Variants in SOD2 observed in about 807,000 individuals in gnomAD.
The protein encoded by SOD2 is superoxide dismutase 2.
SOD2 carries 11 observed loss-of-function variants against 27.0 expected under a neutral mutation model. The ratio of observed to expected loss-of-function variants is 0.41; its 90% CI spans 0.26 to 0.67. The LOEUF is 0.67. Among genes scored for constraint, SOD2 ranks in the 30% least tolerant of loss-of-function variants. SOD2 has a pLI of 0.34. For synonymous variants in SOD2, 105 were observed against 103.0 expected, an observed-to-expected ratio of 1.02 and a Z score of -0.12; for missense variants, 250 against 274.5, an observed-to-expected ratio of 0.91 and a Z score of 0.63.
At chr6:159,752,194 T>C (rs1330174081) in intron 1 of SOD2, among the ~76,000 whole-genome samples, 1 of 152,178 alleles carries the variant, frequency 6.6e-6, no homozygotes, top group African/African-American at 2.4e-5. Context: ...AGTGAAAGCC[T>C]CACTAGAAGA....
At chr6:159,711,947 G>A (rs1197772989) in intron 1 of SOD2, among the ~76,000 whole-genome samples, 2 of 116,430 alleles carry the variant, frequency 1.7e-5, no homozygotes, top group East Asian at 3.3e-4. Flanking sequence ...CACTCACATT[G>A]CTCTGATCAC....
Position 159,672,972 on chromosome 6 carries a change from T to G in SOD2, c.*9521A>C, listed in dbSNP as rs893324878. 1 of 152,038 alleles carries G rather than the reference T, an allele frequency of 6.6e-6. No individual in the cohort carries two copies. Among genetic ancestry groups the G allele is most frequent in the African/African-American group, 2.4e-5 (1 of 41,400 alleles). The allele number at this position is 152,038 out of a possible 1,614,324, so 9.4% of individuals were successfully genotyped here. On this transcript the variant is annotated 3_prime_UTR_variant, in exon 5 of 5. Coordinates refer to ENST00000538183, the MANE Select transcript of SOD2 (RefSeq NM_000636.4). ...TCCTAGTCTCTGATAAAACAGACTT[T>G]AAACCAACAAAGATCAAAAGAGACA...
At chr6:159,753,370 T>C (rs1236843575) in intron 1 of SOD2, 1 of 1,550,746 alleles carries the variant, frequency 6.4e-7, no homozygotes, top group East Asian at 2.3e-5. Flanking sequence ...TAGTTATGTT[T>C]GTATGTGTTA....
intron 1 of SOD2, chr6:159,725,789 GTAAA>G (rs1376766160): frequency 6.6e-6 from 1 of 151,496 alleles, no homozygotes; most frequent in Non-Finnish European, 1.5e-5. Context: ...ATGTATTTAA[GTAAA>G]TACATAAAAG....
intron 1 of SOD2, among the ~76,000 whole-genome samples, chr6:159,750,219 C>T (rs966596449): frequency 3.3e-5 from 5 of 152,154 alleles, no homozygotes; most frequent in African/African-American, 9.7e-5. Context: ...TTTAAGTTCA[C>T]AGTAGAAATG....
chr6:159,727,381 A>AGGCGGGAGGCGGGG, upstream of SOD2: 2 of 684,626 alleles, frequency 2.9e-6, no homozygotes, highest in Admixed American at 5.3e-5. Flanking sequence ...GGCTGGCGGG[A>AGGCGGGAGGCGGGG]GGCGGGAGGC....
chr6:159,712,418 T>A (rs1354340471), intron 1 of SOD2, among the ~76,000 whole-genome samples: 1 of 81,536 alleles, frequency 1.2e-5, no homozygotes, highest in African/African-American at 4.3e-5. Flanking sequence ...CTGATCACCA[T>A]AACCACCTCC....
chr6:159,747,108 A>G (rs1779620936), upstream of SOD2, among the ~76,000 whole-genome samples: 1 of 152,230 alleles, frequency 6.6e-6, no homozygotes, highest in Non-Finnish European at 1.5e-5. Context: ...TTTATATTAG[A>G]AAATTTTAAC....
At chr6:159,708,480 C>G (rs375553379) in intron 1 of SOD2, among the ~76,000 whole-genome samples, 2 of 152,158 alleles carry the variant, frequency 1.3e-5, no homozygotes, top group African/African-American at 4.8e-5. Flanking sequence ...CAATAACAGA[C>G]AAACGGAGAA....
In SOD2 at chr6:159,727,280, CG is replaced by C. The variant is rs541572429; in HGVS notation, c.-268del. 1,316 of 1,281,820 alleles carry C rather than the reference CG, an allele frequency of 1.0e-3. 9 individuals are homozygous for C. In the African/African-American group the frequency reaches 0.019, roughly 18 times the overall value. The allele number at this position is 1,281,820 out of a possible 1,614,324, so 79.4% of individuals were successfully genotyped here. A position where few individuals can be genotyped will look rare whatever the true frequency, so the allele number is the denominator to read the frequency against. On this transcript the variant is annotated 5_prime_UTR_variant, in exon 1 of 3. Transcript: ENST00000401980. Reference sequence around the variant, plus strand: ...CCTCCCTTCACCTTTCCTCTCCTGGCGGGGTTCGGCGGCGGGCGAGTGACTG... The same window carrying C: ...CCTCCCTTCACCTTTCCTCTCCTGGCGGGTTCGGCGGCGGGCGAGTGACTG...
At chr6:159,687,998 C>T in intron 3 of SOD2, 128 bp downstream of exon 3, 1 of 662,266 alleles carries the variant, frequency 1.5e-6, no homozygotes, top group Non-Finnish European at 2.7e-6. Flanking sequence ...GCAACAAGAG[C>T]AAAACTCTTG....
intron 1 of SOD2, among the ~76,000 whole-genome samples, chr6:159,724,927 G>GGAGGGAAGAAGA (rs1229609878): frequency 4.0e-5 from 6 of 150,202 alleles, no homozygotes; most frequent in Non-Finnish European, 8.9e-5. Flanking sequence ...AGGGAAGAAG[G>GGAGGGAAGAAGA]GAGGGAAGAA....
At chr6:159,683,298 A>C (rs906655285) in intron 4 of SOD2, among the ~76,000 whole-genome samples, 28 of 152,156 alleles carry the variant, frequency 1.8e-4, no homozygotes. Context: ...AGCCTGGCCA[A>C]CATGGTGAAA....
intron 1 of SOD2, among the ~76,000 whole-genome samples, chr6:159,739,754 G>T (rs1779129525): frequency 6.9e-6 from 1 of 145,242 alleles, no homozygotes; most frequent in African/African-American, 2.5e-5. Context: ...AGATTTTGTT[G>T]TTTCCTAGAG....
intron 1 of SOD2, among the ~76,000 whole-genome samples, chr6:159,756,921 G>C (rs1780022540): frequency 6.6e-6 from 1 of 152,090 alleles, no homozygotes. Flanking sequence ...AGTTTTAATT[G>C]AAAAGCAGCG....
chr6:159,696,714 G>C (rs963150501), upstream of SOD2, among the ~76,000 whole-genome samples: 1 of 152,110 alleles, frequency 6.6e-6, no homozygotes, highest in Non-Finnish European at 1.5e-5. Context: ...AGGCTACCTA[G>C]CACAGCCTAG....
chr6:159,713,192 G>GA, intron 1 of SOD2: 3 of 1,165,294 alleles, frequency 2.6e-6, no homozygotes, highest in South Asian at 1.6e-5. Context: ...AGACATTCCT[G>GA]AAAAACAGTA....
At chr6:159,713,975 G>T in intron 1 of SOD2, 2 of 831,676 alleles carry the variant, frequency 2.4e-6, no homozygotes, top group Non-Finnish European at 3.8e-6. Context: ...CCTGCCTTCC[G>T]TGCTCAGCAT....
intron 1 of SOD2, among the ~76,000 whole-genome samples, chr6:159,721,762 T>C (rs117611738): frequency 6.9e-6 from 1 of 145,914 alleles, no homozygotes; most frequent in African/African-American, 2.5e-5. Context: ...CCTGACCTCA[T>C]GATCTGCTAG....
Sources: allele counts gnomAD v4.1 joint callset (sites outside exome capture counted in the v4.1 genomes callset), GRCh38; gene constraint gnomAD v4.1.1; transcripts MANE v1.5; gene names NCBI Gene and HGNC (gene_info 2026-07-23, HGNC 2026-07-21).